The following THRB variants were observed in gnomAD, a reference collection of about 807,000 sequenced individuals.
THRB encodes the protein nuclear receptor subfamily 1 group A member 2.
In THRB, 12 loss-of-function variants were observed where a neutral mutation model predicts 47.8. The ratio of observed to expected loss-of-function variants is 0.25; its 90% CI spans 0.16 to 0.41. The LOEUF is 0.41. Ranked by LOEUF, THRB falls within the 10% of genes least tolerant of loss-of-function variation. The pLI is 1.00. For missense variants in THRB, 348 were observed against 589.2 expected (o/e 0.59, Z 4.24); for synonymous variants, 218 against 212.2 (o/e 1.03, Z -0.24).
rs78939224 is a variant in THRB at position 24,184,045 on chromosome 3, T to C, written c.283+6029A>G. On this transcript the variant is annotated intron_variant, in intron 5 of 10. Transcript: ENST00000646209. ...AGTTTGATGTATATCTGGGAACTTT[T>C]TTCTGTGCACATTTGTAAACACACA... Among the ~76,000 whole-genome samples, 396 of 152,332 alleles carry C rather than the reference T, an allele frequency of 2.6e-3. 1 individual carries two copies. Among genetic ancestry groups the C allele is most frequent in the African/African-American group, 9.1e-3 (379 of 41,574 alleles).
chr3:24,443,922 C>G (rs916167133), intron 1 of THRB, among the ~76,000 whole-genome samples: 5 of 152,178 alleles, frequency 3.3e-5, no homozygotes, highest in Admixed American at 2.6e-4. Context: ...CCAGCTCTGT[C>G]TGGCCATAAA....
intron 1 of THRB, among the ~76,000 whole-genome samples, chr3:24,345,325 C>CA (rs1460547209): frequency 1.3e-5 from 2 of 152,172 alleles, no homozygotes; most frequent in Admixed American, 6.6e-5. Flanking sequence ...GATCGCCAAA[C>CA]AAAGCATGGC....
chr3:24,268,766 TTTGAG>T (rs1287900175), intron 3 of THRB, among the ~76,000 whole-genome samples: 2 of 152,322 alleles, frequency 1.3e-5, no homozygotes, highest in African/African-American at 4.8e-5. Flanking sequence ...GTGTTAAAGC[TTTGAG>T]TTATTTTCTG....
intron 2 of THRB, among the ~76,000 whole-genome samples, chr3:24,310,867 C>T (rs1438323051): frequency 6.6e-6 from 1 of 152,138 alleles, no homozygotes; most frequent in African/African-American, 2.4e-5. Flanking sequence ...GTTCAAAAAT[C>T]CTGCCCGAAA....
At chr3:24,222,443 G>A (rs2047245325) in intron 4 of THRB, among the ~76,000 whole-genome samples, 1 of 152,102 alleles carries the variant, frequency 6.6e-6, no homozygotes, top group Non-Finnish European at 1.5e-5. Flanking sequence ...GGGGAGCGAA[G>A]GGTCCAGATT....
chr3:24,419,335 C>T (rs1381365373), intron 1 of THRB, among the ~76,000 whole-genome samples: 1 of 151,826 alleles, frequency 6.6e-6, no homozygotes, highest in Non-Finnish European at 1.5e-5. Flanking sequence ...ATTGGCCAAG[C>T]AAAGAACTTT....
chr3:24,298,833 T>C (rs2056664072), intron 2 of THRB, among the ~76,000 whole-genome samples: 1 of 152,246 alleles, frequency 6.6e-6, no homozygotes, highest in Non-Finnish European at 1.5e-5. Context: ...TCTCTAGACA[T>C]GATTATGGAT....
chr3:24,359,601 G>C (rs920119249), intron 1 of THRB, among the ~76,000 whole-genome samples: 8 of 152,096 alleles, frequency 5.3e-5, no homozygotes, highest in Non-Finnish European at 1.0e-4. Context: ...TAGAAAACTA[G>C]ACAATTTTCT....
intron 1 of THRB, among the ~76,000 whole-genome samples, chr3:24,490,161 A>C (rs1697923849): frequency 1.3e-5 from 2 of 152,216 alleles, no homozygotes; most frequent in South Asian, 4.1e-4. Context: ...GCTGAACTGA[A>C]AAATGGCTAG....
chr3:24,360,775 T>C (rs140347656), intron 1 of THRB, among the ~76,000 whole-genome samples: 1 of 152,312 alleles, frequency 6.6e-6, no homozygotes, highest in African/African-American at 2.4e-5. Context: ...TTTATACACA[T>C]CATATGTCCC....
intron 5 of THRB, chr3:24,165,095 G>C: frequency 1.3e-6 from 1 of 765,000 alleles, no homozygotes; most frequent in Non-Finnish European, 2.4e-6. Context: ...GAAATATTCA[G>C]GTTGGCTGTA....
At chr3:24,492,496 C>G (rs576084325) in intron 1 of THRB, among the ~76,000 whole-genome samples, 10 of 152,166 alleles carry the variant, frequency 6.6e-5, no homozygotes, top group Admixed American at 3.3e-4. Context: ...AAGACCAGGG[C>G]GAAGAAACCA....
chr3:24,187,951 G>A (rs892224077), intron 5 of THRB, among the ~76,000 whole-genome samples: 2 of 152,174 alleles, frequency 1.3e-5, no homozygotes, highest in African/African-American at 4.8e-5. Context: ...CTATGTCAAG[G>A]TGGACCCTGG....
intron 4 of THRB, among the ~76,000 whole-genome samples, chr3:24,225,395 A>G (rs552332654): frequency 6.6e-6 from 1 of 152,230 alleles, no homozygotes; most frequent in Non-Finnish European, 1.5e-5. Flanking sequence ...GTCACAAAGA[A>G]GTCCAAGTTA....
At chr3:24,192,533 C>T (rs2043467542) in intron 4 of THRB, among the ~76,000 whole-genome samples, 1 of 152,108 alleles carries the variant, frequency 6.6e-6, no homozygotes, top group African/African-American at 2.4e-5. Flanking sequence ...TATTAATTCC[C>T]TTGACCCCAC....
chr3:24,165,140 C>G, intron 5 of THRB: 1 of 765,052 alleles, frequency 1.3e-6, no homozygotes, highest in Non-Finnish European at 2.4e-6. Flanking sequence ...AGAGTCCTTG[C>G]TTTTAAACAT....
rs73823228 is a variant in THRB at position 24,198,097 on chromosome 3, G to A, written c.23-7763C>T. 5.2e-3 allele frequency among the ~76,000 whole-genome samples: 788 copies of A among 152,276 alleles called. 9 individuals are homozygous for A. The highest frequency in any genetic ancestry group is 0.018 in the African/African-American group (728 of 41,548). On this transcript the variant is annotated intron_variant, in intron 4 of 10. Coordinates refer to ENST00000646209, the MANE Select transcript of THRB (RefSeq NM_001354712.2). ...GAATCTACCCAGGTGGCTTTGCCTGGCCTGGGAACTTTTAACAGTAGCCTG... is the reference window on the plus strand; with the variant it reads ...GAATCTACCCAGGTGGCTTTGCCTGACCTGGGAACTTTTAACAGTAGCCTG...
intron 1 of THRB, among the ~76,000 whole-genome samples, chr3:24,483,227 T>C (rs929237201): frequency 6.6e-6 from 1 of 152,130 alleles, no homozygotes; most frequent in African/African-American, 2.4e-5. Flanking sequence ...TAAAACACAC[T>C]TATAATTTGG....
chr3:24,433,947 G>T (rs959764520), intron 1 of THRB, among the ~76,000 whole-genome samples: 2 of 152,108 alleles, frequency 1.3e-5, no homozygotes, highest in Non-Finnish European at 2.9e-5. Flanking sequence ...TATAATTAGA[G>T]GCTTGATTGT....
Sources: allele counts gnomAD v4.1 joint callset (sites outside exome capture counted in the v4.1 genomes callset), GRCh38; gene constraint gnomAD v4.1.1; transcripts MANE v1.5; gene names NCBI Gene and HGNC (gene_info 2026-07-23, HGNC 2026-07-21).